The following FRMD7 variants were observed in gnomAD, a reference collection of about 807,000 sequenced individuals.
FRMD7 encodes the protein FERM domain-containing protein 7.
FRMD7 carries 14 observed loss-of-function variants against 44.1 expected under a neutral mutation model. The ratio of observed to expected loss-of-function variants is 0.32; its 90% CI spans 0.21 to 0.50. FRMD7 has a LOEUF of 0.50. FRMD7 is among the 20% of genes least tolerant of loss of function. The pLI is 0.99. For missense variants in FRMD7, 501 were observed against 522.3 expected, an observed-to-expected ratio of 0.96 and a Z score of 0.40; for synonymous variants, 212 against 187.4, an observed-to-expected ratio of 1.13 and a Z score of -1.07.
At chrX:132,113,215 C>T (rs113590646) in intron 1 of FRMD7, among the ~76,000 whole-genome samples, 1 of 112,109 alleles carries the variant, frequency 8.9e-6, no homozygotes, top group African/African-American at 3.2e-5. Flanking sequence ...CTCCACATAA[C>T]ACTTTAACAT....
chrX:132,096,487 C>T (rs190744693), intron 4 of FRMD7, among the ~76,000 whole-genome samples: 14 of 107,246 alleles, frequency 1.3e-4, no homozygotes, highest in Non-Finnish European at 2.5e-4. Flanking sequence ...GAGGCCAAGG[C>T]GGAGAATCAT....
intron 1 of FRMD7, among the ~76,000 whole-genome samples, chrX:132,120,983 T>A (rs755607896): frequency 8.9e-6 from 1 of 111,991 alleles, no homozygotes; most frequent in South Asian, 3.7e-4. Context: ...ATGATCTTTC[T>A]GACCTGGGTT....
rs759686216 is a variant in FRMD7 at position 132,078,841 on chromosome X, C to G, written c.1176G>C (p.Glu392Asp). Residue 392 changes from glutamate to aspartate, a missense_variant, in exon 12 of 12, where the codon GAG becomes GAC. By Grantham distance (45) the Glu-to-Asp change is conservative. Coordinates refer to ENST00000298542, the MANE Select transcript of FRMD7 (RefSeq NM_194277.3). ...NSALEVTFAT[E>D]LEHSKPEADP... ...CCGCCTCTGGTTTGGAATGCTCCAG[C>G]TCAGTTGCAAATGTCACCTCCAATG... is the stretch of plus-strand genomic sequence containing the variant. 2.7e-5 allele frequency: 33 copies of G among 1,209,811 alleles called. No individual in the cohort carries two copies. In the South Asian group the frequency reaches 4.4e-4, roughly 16 times the overall value.
chrX:132,126,452 T>C (rs1281530793), intron 1 of FRMD7, among the ~76,000 whole-genome samples: 1 of 111,799 alleles, frequency 8.9e-6, no homozygotes, highest in Non-Finnish European at 1.9e-5. Flanking sequence ...TGTGAAGATA[T>C]GGTACTGTGT....
intron 11 of FRMD7, among the ~76,000 whole-genome samples, chrX:132,079,718 A>C (rs1267237045): frequency 8.9e-6 from 1 of 111,897 alleles, no homozygotes; most frequent in Non-Finnish European, 1.9e-5. Context: ...AGTTTTGAAA[A>C]TTCAAAGCCA....
At chrX:132,084,012 G>A (rs770150014) in intron 8 of FRMD7, among the ~76,000 whole-genome samples, 1 of 111,706 alleles carries the variant, frequency 9.0e-6, no homozygotes, top group Admixed American at 9.5e-5. Flanking sequence ...CCTTTACTAT[G>A]CAACCTTGCC....
chrX:132,097,459 C>G, intron 3 of FRMD7, 115 bp from the exon 4 acceptor site: 3 of 552,361 alleles, frequency 5.4e-6, no homozygotes, highest in Non-Finnish European at 9.9e-6. Flanking sequence ...TCTTCCGTCC[C>G]CTCCCCATCA....
At position 132,078,543 on chromosome X, in the gene FRMD7, G is replaced by A. The variant is rs143451711; in HGVS notation, c.1474C>T (p.Pro492Ser). The A allele has an allele frequency of 8.3e-5, 101 of 1,209,623 alleles. No individual in the cohort carries two copies. The highest frequency in any genetic ancestry group is 1.1e-4 in the Non-Finnish European group (95 of 894,952). ...TCCACATAAAAAAAGACCTGGGGAG[G>A]CATAATACCAACCTGCTGACCTGTA... ...PCTGQQVGIM[P>S]PQVFFYVDKP... Residue 492 changes from proline (P) to serine (S), a missense_variant, in exon 12 of 12, where the codon CCT (proline) becomes TCT (serine). Pro to Ser is a moderately conservative substitution (Grantham distance 74). This residue lies in a region of FRMD7 where 453 missense variants were observed against 452.7 expected (regional missense o/e 1.00). Transcript: ENST00000298542.
Position 132,127,987 on chromosome X carries a change from G to C in FRMD7, c.-143C>G. Reference sequence around the variant, plus strand: ...CCCACTGTCAGCGGGGCACACTTCCGTTTGCTTGAAGTAATGCACACCCAA... The same window carrying C: ...CCCACTGTCAGCGGGGCACACTTCCCTTTGCTTGAAGTAATGCACACCCAA... On this transcript the variant is annotated 5_prime_UTR_variant, in exon 1 of 12. Transcript: ENST00000298542. 1.8e-6 allele frequency: 1 copy of C among 541,669 alleles called. No individual in the cohort carries two copies. The highest frequency in any genetic ancestry group is 2.5e-5 in the South Asian group (1 of 40,610). The allele number at this position is 541,669 out of a possible 1,213,427, so 44.6% of individuals were successfully genotyped here. A position where few individuals can be genotyped will look rare whatever the true frequency, so the allele number is the denominator to read the frequency against.
intron 1 of FRMD7, among the ~76,000 whole-genome samples, chrX:132,124,064 GTGTGTGCACACATGCATGTGCA>G (rs1207953499): frequency 8.9e-6 from 1 of 111,755 alleles, no homozygotes; most frequent in Admixed American, 9.4e-5. Context: ...GTGTGTGAGA[GTGTGTGCACACATGCATGTGCA>G]TGTGTGTATA....
At chrX:132,117,661 T>C (rs1928935059) in intron 1 of FRMD7, among the ~76,000 whole-genome samples, 1 of 112,038 alleles carries the variant, frequency 8.9e-6, no homozygotes, top group African/African-American at 3.2e-5. Context: ...ACAGCCAATC[T>C]AAGGATCACA....
At chrX:132,101,695 A>T (rs1000403975) in intron 1 of FRMD7, among the ~76,000 whole-genome samples, 3 of 112,319 alleles carry the variant, frequency 2.7e-5, no homozygotes, top group African/African-American at 9.7e-5. Flanking sequence ...CCAAATCTGC[A>T]TACAGCATAC....
At chrX:132,114,513 T>C (rs1928854713) in intron 1 of FRMD7, among the ~76,000 whole-genome samples, 1 of 112,350 alleles carries the variant, frequency 8.9e-6, no homozygotes, top group African/African-American at 3.2e-5. Flanking sequence ...GTTTACCGAA[T>C]TTTCTCATCT....
chrX:132,122,291 A>C (rs1316242486), intron 1 of FRMD7, among the ~76,000 whole-genome samples: 1 of 112,152 alleles, frequency 8.9e-6, no homozygotes, highest in Non-Finnish European at 1.9e-5. Context: ...ATCCTCAGAG[A>C]GCTGAAGTGA....
chrX:132,085,617 G>C lies in FRMD7; in HGVS notation c.609C>G (p.His203Gln). The C allele has an allele frequency of 8.3e-7, 1 of 1,210,887 alleles. No homozygotes were observed. The highest frequency in any genetic ancestry group is 1.7e-5 in the African/African-American group (1 of 57,776). Residue 203 changes from histidine to glutamine, a missense_variant, in exon 7 of 12, where the codon CAC (histidine) becomes CAG (glutamine). His to Gln is a conservative substitution (Grantham distance 24). Transcript: ENST00000298542. ...PASDGEGMQI[H>Q]LAVAHMGVLV... is the part of the protein sequence containing the mutation. ...GTACTCCCATGTGAGCAACAGCCAGGTGAATCTGCATCCCTTCACCATCAC... is the reference window on the plus strand; with the variant it reads ...GTACTCCCATGTGAGCAACAGCCAGCTGAATCTGCATCCCTTCACCATCAC...
At chrX:132,098,177 A>T (rs1213779603) in intron 3 of FRMD7, among the ~76,000 whole-genome samples, 1 of 112,528 alleles carries the variant, frequency 8.9e-6, no homozygotes, top group East Asian at 2.8e-4. Context: ...TTTGAATTTC[A>T]GATAAACAAC....
rs374208696 is a variant in FRMD7 at position 132,088,288 on chromosome X, G to A, written c.383-2254C>T. Among the ~76,000 whole-genome samples, 40 of 112,438 alleles carry A rather than the reference G, an allele frequency of 3.6e-4. No homozygotes were observed. In the South Asian group the frequency reaches 0.013, roughly 36 times the overall value. Reference sequence around the variant, plus strand: ...CCCAAGGTTGAGCGTGGTGGCTCACGCCTGTAATCCTAGCACTCAGGGAGG... The same window carrying A: ...CCCAAGGTTGAGCGTGGTGGCTCACACCTGTAATCCTAGCACTCAGGGAGG... On this transcript the variant is annotated intron_variant, in intron 5 of 11. Transcript: ENST00000298542.
chrX:132,116,973 G>T (rs1306913148), intron 1 of FRMD7, among the ~76,000 whole-genome samples: 2 of 112,027 alleles, frequency 1.8e-5, no homozygotes, highest in African/African-American at 6.5e-5. Flanking sequence ...TTCAAATCCT[G>T]TTTGCACCAC....
intron 5 of FRMD7, among the ~76,000 whole-genome samples, chrX:132,092,899 G>A (rs1188445956): frequency 9.0e-6 from 1 of 111,673 alleles, no homozygotes; most frequent in East Asian, 2.8e-4. Flanking sequence ...TTCTAAACAG[G>A]CCCTATGTTT....
Sources: allele counts gnomAD v4.1 joint callset (sites outside exome capture counted in the v4.1 genomes callset), GRCh38; gene constraint gnomAD v4.1.1; regional missense constraint gnomAD v4.1.1; transcripts MANE v1.5; gene names NCBI Gene and HGNC (gene_info 2026-07-23, HGNC 2026-07-21).